LRP1B: variants seen among roughly 807,000 people sequenced by gnomAD.
LRP1B encodes LDL receptor related protein 1B.
LRP1B carries 217 observed loss-of-function variants against 556.6 expected under a neutral mutation model. The ratio of observed to expected loss-of-function variants is 0.39; its 90% confidence interval spans 0.35 to 0.44. LRP1B has a LOEUF of 0.44. Among genes scored for constraint, LRP1B ranks in the 20% least tolerant of loss-of-function variants. The pLI, the probability that LRP1B is intolerant of heterozygous loss-of-function variation, is 1.00. For synonymous variants in LRP1B, 2,047 were observed against 1,865.8 expected (o/e 1.10, Z -2.50); for missense variants, 5,053 against 5,620.8 (o/e 0.90, Z 3.23).
At chr2:141,061,610 T>C (rs1344559201) in intron 8 of LRP1B, among the ~76,000 whole-genome samples, 2 of 151,810 alleles carry the variant, frequency 1.3e-5, no homozygotes, top group Non-Finnish European at 2.9e-5. Flanking sequence ...ATCGAACTTG[T>C]TATAATAAAG....
chr2:142,030,129 T>C (rs1214077403), intron 1 of LRP1B, among the ~76,000 whole-genome samples: 2 of 151,874 alleles, frequency 1.3e-5, no homozygotes, highest in African/African-American at 4.8e-5. Flanking sequence ...GCGTGTATTC[T>C]ACATGTGTAT....
chr2:140,868,386 G>T, intron 25 of LRP1B, 123 bp from the exon 26 acceptor site: 1 of 847,802 alleles, frequency 1.2e-6, no homozygotes. Context: ...AGAAACAGAT[G>T]TATTATCTAT....
At chr2:141,574,409 A>C (rs1449256622) in intron 2 of LRP1B, among the ~76,000 whole-genome samples, 1 of 152,172 alleles carries the variant, frequency 6.6e-6, no homozygotes, top group East Asian at 1.9e-4. Flanking sequence ...TCATGTTAAA[A>C]ACTCTTAATA....
chr2:141,583,793 G>T (rs999983725), intron 2 of LRP1B, among the ~76,000 whole-genome samples: 1 of 152,110 alleles, frequency 6.6e-6, no homozygotes, highest in East Asian at 1.9e-4. Context: ...AGGCTGGAGT[G>T]CCGTGGCACT....
chr2:141,081,239 T>G (rs1423938616), intron 7 of LRP1B, among the ~76,000 whole-genome samples: 1 of 152,178 alleles, frequency 6.6e-6, no homozygotes, highest in Admixed American at 6.5e-5. Flanking sequence ...ATATACAGGG[T>G]TTGATACTAT....
At chr2:142,112,499 A>C (rs1284151090) in intron 1 of LRP1B, among the ~76,000 whole-genome samples, 1 of 152,056 alleles carries the variant, frequency 6.6e-6, no homozygotes, top group South Asian at 2.1e-4. Context: ...CAAATTCGGG[A>C]GGGAAATAAA....
chr2:141,466,543 A>G (rs1216411423), intron 3 of LRP1B, among the ~76,000 whole-genome samples: 1 of 152,158 alleles, frequency 6.6e-6, no homozygotes. Flanking sequence ...ATCCTGATCA[A>G]TGGGATAAAG....
chr2:141,752,216 AT>A (rs1318539685), intron 2 of LRP1B, among the ~76,000 whole-genome samples: 28 of 152,178 alleles, frequency 1.8e-4, no homozygotes, highest in Admixed American at 6.5e-4. Context: ...AGGAAGTTTA[AT>A]TTTCTGTGCT....
chr2:140,483,640 A>ATATATATATATAT lies in LRP1B; in HGVS notation c.9425+1702_9425+1703insATATATATATATA, dbSNP rs1491228405. Among the ~76,000 whole-genome samples the ATATATATATATAT allele has an allele frequency of 5.3e-3, 375 of 70,724 alleles. 1 individual carries two copies. Among genetic ancestry groups the ATATATATATATAT allele is most frequent in the Non-Finnish European group, 6.8e-3 (269 of 39,826 alleles). The allele number at this position is 70,724 out of a possible 152,430, so 46.4% of individuals were successfully genotyped here. ...CATATATATATATATATATATATATATTTTTTTTTTTTTTTTTTGAGACAC... is the reference window on the plus strand; with the variant it reads ...CATATATATATATATATATATATATATATATATATATATTTTTTTTTTTTTTTTTTTGAGACAC... On this transcript the variant is annotated intron_variant, in intron 59 of 90. Coordinates refer to ENST00000389484, the MANE Select transcript of LRP1B (RefSeq NM_018557.3).
chr2:141,832,774 A>G (rs1697153706), intron 1 of LRP1B, among the ~76,000 whole-genome samples: 1 of 151,860 alleles, frequency 6.6e-6, no homozygotes, highest in Non-Finnish European at 1.5e-5. Context: ...AATATTTACA[A>G]GTCAAGCATT....
chr2:142,080,663 C>A (rs1047869128), intron 1 of LRP1B, among the ~76,000 whole-genome samples: 1 of 152,096 alleles, frequency 6.6e-6, no homozygotes, highest in Non-Finnish European at 1.5e-5. Flanking sequence ...TTCCTTTCTA[C>A]CTTGGAATGA....
intron 43 of LRP1B, among the ~76,000 whole-genome samples, chr2:140,545,723 G>A (rs1215741185): frequency 1.3e-5 from 2 of 151,278 alleles, no homozygotes; most frequent in Non-Finnish European, 1.5e-5. Context: ...GTGTGATTAG[G>A]ACACCTTGAC....
At chr2:140,636,334 T>C (rs1286020595) in intron 41 of LRP1B, among the ~76,000 whole-genome samples, 1 of 152,136 alleles carries the variant, frequency 6.6e-6, no homozygotes, top group African/African-American at 2.4e-5. Flanking sequence ...TACACATTAA[T>C]TTGAGGTCAG....
intron 66 of LRP1B, among the ~76,000 whole-genome samples, chr2:140,414,131 G>T (rs1685079745): frequency 6.6e-6 from 1 of 151,968 alleles, no homozygotes; most frequent in South Asian, 2.1e-4. Context: ...GCCCAGACTG[G>T]TCTCAAACTC....
At chr2:141,239,117 T>C (rs1683768152) in intron 5 of LRP1B, among the ~76,000 whole-genome samples, 1 of 152,076 alleles carries the variant, frequency 6.6e-6, no homozygotes, top group Non-Finnish European at 1.5e-5. Flanking sequence ...CCAAAAGTAT[T>C]GGCAAAATGA....
intron 3 of LRP1B, among the ~76,000 whole-genome samples, chr2:141,422,953 C>A (rs1016834550): frequency 6.6e-6 from 1 of 152,198 alleles, no homozygotes. Context: ...TGAATTAAAT[C>A]TGTTAGAGGA....
At chr2:140,678,534 C>A (rs1446073513) in intron 41 of LRP1B, among the ~76,000 whole-genome samples, 1 of 152,114 alleles carries the variant, frequency 6.6e-6, no homozygotes, top group Non-Finnish European at 1.5e-5. Flanking sequence ...TTTAAGTAAG[C>A]AAATGGATGT....
At chr2:141,353,074 G>T (rs577938006) in intron 3 of LRP1B, among the ~76,000 whole-genome samples, 2 of 152,008 alleles carry the variant, frequency 1.3e-5, no homozygotes, top group East Asian at 1.9e-4. Flanking sequence ...AAGTCAAACT[G>T]TGAGTCATGT....
chr2:141,291,810 C>G (rs965444628), intron 3 of LRP1B, among the ~76,000 whole-genome samples: 1 of 133,106 alleles, frequency 7.5e-6, no homozygotes, highest in African/African-American at 3.0e-5. Context: ...GAGCAGAGAT[C>G]GCGCCACTGC....
Sources: gnomAD v4.1 joint callset for allele counts (sites outside exome capture counted in the v4.1 genomes callset) on GRCh38, gnomAD v4.1.1 for gene constraint, MANE v1.5 for transcripts, NCBI Gene and HGNC (gene_info 2026-07-23, HGNC 2026-07-21) for gene names.